Variants in TLN2 observed in about 807,000 individuals in gnomAD.
TLN2 encodes the protein talin 2.
TLN2 carries 118 observed loss-of-function variants against 294.7 expected under a neutral mutation model. That is an observed-to-expected ratio of 0.40 (90% CI 0.34 to 0.47). The LOEUF (loss-of-function observed/expected upper bound fraction) is 0.47. Ranked by LOEUF, TLN2 falls within the 20% of genes least tolerant of loss-of-function variation. TLN2 has a pLI of 0.84. For synonymous variants in TLN2, 1,431 were observed against 1,304.5 expected, an observed-to-expected ratio of 1.10 and a Z score of -2.09; for missense variants, 3,083 against 3,282.2, an observed-to-expected ratio of 0.94 and a Z score of 1.48.
At chr15:62,622,342 G>T (rs1181929895) in intron 3 of TLN2, among the ~76,000 whole-genome samples, 1 of 152,174 alleles carries the variant, frequency 6.6e-6, no homozygotes, top group Non-Finnish European at 1.5e-5. Context: ...TGGGGATTTT[G>T]TGGGGGATGG....
intron 1 of TLN2, among the ~76,000 whole-genome samples, chr15:62,417,430 C>T (rs1376904936): frequency 6.6e-6 from 1 of 152,170 alleles, no homozygotes; most frequent in African/African-American, 2.4e-5. Context: ...CCAGAAGCAG[C>T]TTAGAAAATT....
chr15:62,743,274 C>T (rs1485675489), intron 32 of TLN2, among the ~76,000 whole-genome samples: 2 of 151,944 alleles, frequency 1.3e-5, no homozygotes, highest in African/African-American at 4.8e-5. Context: ...CCTCAAAGTC[C>T]CCAGAAATGC....
intron 46 of TLN2, among the ~76,000 whole-genome samples, chr15:62,793,977 A>C: frequency 1.3e-5 from 2 of 151,586 alleles, no homozygotes; most frequent in Non-Finnish European, 2.9e-5. Context: ...GCCTCCTGGG[A>C]CTCCACAGAC....
rs779726246 is a variant in TLN2 at position 62,657,872 on chromosome 15, A to G, written c.762A>G (p.Glu254=). Reference sequence around the variant, plus strand: ...AGATACAATTTGGACCTCATGTGGAACATAAACACAAACCTGGATTTTTAG... The same window carrying G: ...AGATACAATTTGGACCTCATGTGGAGCATAAACACAAACCTGGATTTTTAG... ...QAQIQFGPHV[E]HKHKPGFLDL... Residue 254 remains glutamate, a synonymous_variant, in exon 9 of 59, where the codon GAA becomes GAG. Transcript: ENST00000636159. The G allele has an allele frequency of 6.2e-7, 1 of 1,613,346 alleles. No homozygotes were observed. Among genetic ancestry groups the G allele is most frequent in the South Asian group, 1.1e-5 (1 of 90,762 alleles).
chr15:62,556,452 G>A (rs1391063446), intron 1 of TLN2, among the ~76,000 whole-genome samples: 6 of 151,630 alleles, frequency 4.0e-5, no homozygotes, highest in Admixed American at 3.9e-4. Context: ...GACTACAGGT[G>A]CACGCCACCA....
chr15:62,693,967 T>TTTG (rs2058124213), intron 13 of TLN2, among the ~76,000 whole-genome samples: 1 of 3,864 alleles, frequency 2.6e-4, no homozygotes, highest in African/African-American at 2.9e-4. Context: ...TTTTTTTTTT[T>TTTG]TTTTTTTTTT....
At chr15:62,576,280 A>G (rs1240774984) in intron 1 of TLN2, among the ~76,000 whole-genome samples, 1 of 152,088 alleles carries the variant, frequency 6.6e-6, no homozygotes, top group Non-Finnish European at 1.5e-5. Context: ...AAAAAAATAA[A>G]TAAAAATAAA....
In TLN2 at chr15:62,815,231, A is replaced by T. The variant is rs200183794; in HGVS notation, c.6772-4285A>T. Among the ~76,000 whole-genome samples, 169 of 119,232 alleles carry T rather than the reference A, an allele frequency of 1.4e-3. 1 individual carries two copies. The highest frequency in any genetic ancestry group is 4.4e-3 in the African/African-American group (137 of 31,476). 78.2% of individuals were successfully genotyped at this position (119,232 alleles called of 152,430 possible). On this transcript the variant is annotated intron_variant, in intron 52 of 58. Transcript: ENST00000636159. Reference sequence around the variant, plus strand: ...CACACACACACACACACACACACACACTCACTCGCTCTGCCCTTCACTCTG... The same window carrying T: ...CACACACACACACACACACACACACTCTCACTCGCTCTGCCCTTCACTCTG...
At chr15:62,460,177 G>A (rs1169199216) in intron 1 of TLN2, among the ~76,000 whole-genome samples, 1 of 152,012 alleles carries the variant, frequency 6.6e-6, no homozygotes, top group African/African-American at 2.4e-5. Context: ...GAAGATTGCA[G>A]CAGCCAGCCA....
chr15:62,727,743 A>G lies in TLN2; in HGVS notation c.3358+554A>G, dbSNP rs149993746. On this transcript the variant is annotated intron_variant, in intron 28 of 58. Coordinates refer to ENST00000636159, the MANE Select transcript of TLN2 (RefSeq NM_015059.3). ...CACAATCATCAACTCTAAGAAAAGC[A>G]GAAAAGTTATACAATGAGGAAATGT... Among the ~76,000 whole-genome samples, 177 of 152,342 alleles carry G rather than the reference A, an allele frequency of 1.2e-3. No individual in the cohort carries two copies. In the East Asian group the frequency reaches 0.015, roughly 13 times the overall value.
intron 22 of TLN2, among the ~76,000 whole-genome samples, chr15:62,715,523 A>G (rs1370330024): frequency 6.6e-6 from 1 of 152,228 alleles, no homozygotes; most frequent in African/African-American, 2.4e-5. Flanking sequence ...TCCTTTCTCT[A>G]CATTACCATT....
intron 2 of TLN2, among the ~76,000 whole-genome samples, chr15:62,604,596 A>G (rs574592126): frequency 6.6e-6 from 1 of 150,910 alleles, no homozygotes; most frequent in Non-Finnish European, 1.5e-5. Flanking sequence ...GAGCTTCATA[A>G]GAGAGAGGGA....
chr15:62,408,552 G>A (rs2033570161), intron 1 of TLN2, among the ~76,000 whole-genome samples: 2 of 152,070 alleles, frequency 1.3e-5, no homozygotes, highest in Non-Finnish European at 2.9e-5. Context: ...TATAAGCTTT[G>A]GCCACTAGCC....
intron 3 of TLN2, among the ~76,000 whole-genome samples, chr15:62,628,252 T>C (rs1172371503): frequency 6.6e-6 from 1 of 152,246 alleles, no homozygotes; most frequent in Non-Finnish European, 1.5e-5. Flanking sequence ...GGGGTAAGGC[T>C]AAAATGGTTG....
intron 1 of TLN2, among the ~76,000 whole-genome samples, chr15:62,394,956 T>A (rs1205357375): frequency 6.6e-6 from 1 of 152,152 alleles, no homozygotes; most frequent in Non-Finnish European, 1.5e-5. Context: ...TGTTTTTCTC[T>A]TAATCAACAA....
chr15:62,661,228 A>G (rs1372239739), intron 9 of TLN2, among the ~76,000 whole-genome samples: 1 of 152,184 alleles, frequency 6.6e-6, no homozygotes, highest in East Asian at 1.9e-4. Flanking sequence ...TCAAGTATAC[A>G]TGATAAAATT....
chr15:62,793,003 G>A (rs1225814250), intron 46 of TLN2, among the ~76,000 whole-genome samples: 1 of 152,214 alleles, frequency 6.6e-6, no homozygotes, highest in East Asian at 1.9e-4. Flanking sequence ...GGCTTAGAGG[G>A]ACTATCCCAT....
At chr15:62,601,799 CAA>C (rs2047033757) in intron 2 of TLN2, among the ~76,000 whole-genome samples, 1 of 152,100 alleles carries the variant, frequency 6.6e-6, no homozygotes, top group Non-Finnish European at 1.5e-5. Context: ...CAGCAGCGTC[CAA>C]AAGAGATCAC....
At chr15:62,703,818 T>TA (rs2058886301) in intron 19 of TLN2, among the ~76,000 whole-genome samples, 1 of 152,116 alleles carries the variant, frequency 6.6e-6, no homozygotes. Flanking sequence ...CTGTCTGCAG[T>TA]ATCACCTCAC....
Sources: allele counts gnomAD v4.1 joint callset (sites outside exome capture counted in the v4.1 genomes callset), GRCh38; gene constraint gnomAD v4.1.1; transcripts MANE v1.5; gene names NCBI Gene and HGNC (gene_info 2026-07-23, HGNC 2026-07-21).